NOL4L: variants seen among roughly 807,000 people sequenced by gnomAD.
NOL4L encodes nucleolar protein 4 like.
NOL4L carries 7 observed loss-of-function variants against 64.5 expected under a neutral mutation model. The ratio of observed to expected loss-of-function variants is 0.11; its 90% CI spans 0.06 to 0.20. The LOEUF is 0.20. Among genes scored for constraint, NOL4L ranks in the 10% least tolerant of loss-of-function variants. The probability of loss-of-function intolerance (pLI) is 1.00; values close to 1 mark genes in which losing one functional copy is unlikely to be tolerated. For missense variants in NOL4L, 680 were observed against 967.1 expected (o/e 0.70, Z 3.94); for synonymous variants, 413 against 401.0 (o/e 1.03, Z -0.36).
chr20:32,463,437 C>T lies in NOL4L; in HGVS notation c.842-7042G>A, dbSNP rs746845456. Among the ~76,000 whole-genome samples, 6 of 152,186 alleles carry T rather than the reference C, an allele frequency of 3.9e-5. No individual in the cohort carries two copies. Among genetic ancestry groups the T allele is most frequent in the Non-Finnish European group, 5.9e-5 (4 of 68,026 alleles). ...GCAGCAGAGACATGTCCTGAGGGGC[C>T]TTGGGGAAGCAGCCCGGGATGCACC... On this transcript the variant is annotated intron_variant, in intron 5 of 10. Transcript: ENST00000621426. The surrounding 1 kb of genome is among the most constrained non-coding windows in gnomAD (Gnocchi z 5.8).
Position 32,542,999 on chromosome 20 carries a change from G to A in NOL4L, c.322-15086C>T, listed in dbSNP as rs546278264. ...GCACACAGCCGTTCTCGATAAACAC[G>A]AGCTCTCTTGCTGTGGTGCTCTTGC... On this transcript the variant is annotated intron_variant, in intron 1 of 10. Transcript: ENST00000621426. Among the ~76,000 whole-genome samples the A allele has an allele frequency of 3.5e-4, 54 of 152,280 alleles. 1 individual carries two copies. Among genetic ancestry groups the A allele is most frequent in the Admixed American group, 3.5e-3 (53 of 15,290 alleles).
Position 32,453,807 on chromosome 20 carries a change from A to G in NOL4L, c.1120-46T>C, listed in dbSNP as rs778677950. The G allele has an allele frequency of 2.0e-6, 3 of 1,535,188 alleles. No individual in the cohort carries two copies. Among genetic ancestry groups the G allele is most frequent in the African/African-American group, 2.8e-5 (2 of 72,654 alleles). On this transcript the variant is annotated intron_variant, in intron 6 of 10. Coordinates refer to ENST00000621426, the MANE Select transcript of NOL4L (RefSeq NM_001256798.2). The surrounding 1 kb of genome is among the most constrained non-coding windows in gnomAD (Gnocchi z 5.6). ...AGAGGGTTGGGCCAAGCAGCTGCTC[A>G]AGCCCTTGCTGGGTCTCCTACAGGC...
At position 32,481,012 on chromosome 20, in the gene NOL4L, A is replaced by C. The variant is rs190648181; in HGVS notation, c.700-6270T>G. Among the ~76,000 whole-genome samples, 183 of 152,300 alleles carry C rather than the reference A, an allele frequency of 1.2e-3. 1 individual carries two copies. The highest frequency in any genetic ancestry group is 5.9e-4 in the Non-Finnish European group (40 of 68,010). Reference sequence around the variant, plus strand: ...GAAATATGAGGCAGGAAGGGCTGAGACACAGCCAATCACCTACCACACTGG... The same window carrying C: ...GAAATATGAGGCAGGAAGGGCTGAGCCACAGCCAATCACCTACCACACTGG... On this transcript the variant is annotated intron_variant, in intron 4 of 10. Transcript: ENST00000621426.
intron 1 of NOL4L, among the ~76,000 whole-genome samples, chr20:32,535,079 C>G (rs2018472079): frequency 6.6e-6 from 1 of 151,762 alleles, no homozygotes; most frequent in African/African-American, 2.4e-5. Context: ...ACTAAGAGAA[C>G]AAAAAGAAAA....
At chr20:32,555,056 G>A (rs1028170514) in intron 1 of NOL4L, among the ~76,000 whole-genome samples, 1 of 152,152 alleles carries the variant, frequency 6.6e-6, no homozygotes, top group East Asian at 1.9e-4. Context: ...TGGCCTCCCT[G>A]TACCCTGACC....
chr20:32,498,997 A>AGCTG (rs1231314937), intron 4 of NOL4L, among the ~76,000 whole-genome samples: 5 of 151,900 alleles, frequency 3.3e-5, no homozygotes, highest in Admixed American at 6.6e-5. Context: ...CTCCTGCCTC[A>AGCTG]ACCTCCTGAG....
rs780461086 is a variant in NOL4L, at chr20:32,466,124, C to T, written c.841+8477G>A. On this transcript the variant is annotated intron_variant, in intron 5 of 10. Coordinates refer to ENST00000621426, the MANE Select transcript of NOL4L (RefSeq NM_001256798.2). ...CTGGGATTACAGGTGCCCATCACCACGCCCAGCTAATTTTTGTATTTTTAG... is the reference window on the plus strand; with the variant it reads ...CTGGGATTACAGGTGCCCATCACCATGCCCAGCTAATTTTTGTATTTTTAG... 1.3e-3 allele frequency among the ~76,000 whole-genome samples: 198 copies of T among 152,228 alleles called. 1 individual carries two copies. The highest frequency in any genetic ancestry group is 4.4e-3 in the African/African-American group (184 of 41,544).
Position 32,461,888 on chromosome 20 carries a change from G to A in NOL4L, c.842-5493C>T, listed in dbSNP as rs1373745519. On this transcript the variant is annotated intron_variant, in intron 5 of 10. Transcript: ENST00000621426. ...CCAGCCCTAGAGACCCAGAGTTGGT[G>A]CAGCTGTATTGGGTGGGCCTGGATG... 1.1e-4 allele frequency among the ~76,000 whole-genome samples: 17 copies of A among 151,980 alleles called. No individual in the cohort carries two copies. In the East Asian group the frequency reaches 1.8e-3, roughly 16 times the overall value.
At chr20:32,529,178 G>A (rs544967937) in intron 1 of NOL4L, among the ~76,000 whole-genome samples, 4 of 152,296 alleles carry the variant, frequency 2.6e-5, no homozygotes, top group African/African-American at 9.6e-5. Context: ...GTGGCCCTGT[G>A]ACCCCGAGCA....
At chr20:32,568,361 T>G (rs1302208724) in intron 1 of NOL4L, among the ~76,000 whole-genome samples, 1 of 152,198 alleles carries the variant, frequency 6.6e-6, no homozygotes, top group Non-Finnish European at 1.5e-5. Flanking sequence ...GCAAAGCAGC[T>G]GATGAGGAGG....
chr20:32,574,815 C>T (rs978366553), intron 1 of NOL4L, among the ~76,000 whole-genome samples: 3 of 152,068 alleles, frequency 2.0e-5, no homozygotes, highest in East Asian at 1.9e-4. Flanking sequence ...GGCCTCCCAC[C>T]GCCACAGGCT....
At chr20:32,452,124 C>G in intron 10 of NOL4L, 112 bp downstream of exon 10, 1 of 952,504 alleles carries the variant, frequency 1.0e-6, no homozygotes, top group Non-Finnish European at 1.4e-6. Context: ...GAGGCAGCCC[C>G]TTTCCATCAC....
chr20:32,584,547 G>A, intron 1 of NOL4L, 23 bp downstream of exon 1: 1 of 806,990 alleles, frequency 1.2e-6, no homozygotes, highest in African/African-American at 2.1e-5. Context: ...GGACCCGCCC[G>A]CGGCCGCCGC....
chr20:32,582,711 G>C (rs1425182672), intron 1 of NOL4L, among the ~76,000 whole-genome samples: 1 of 152,154 alleles, frequency 6.6e-6, no homozygotes, highest in African/African-American at 2.4e-5. Context: ...GTGGGGCACC[G>C]ACCCGGGAAG....
Position 32,460,853 on chromosome 20 carries a change from G to A in NOL4L, c.842-4458C>T, listed in dbSNP as rs759477793. On this transcript the variant is annotated intron_variant, in intron 5 of 10. Transcript: ENST00000621426. This position sits in a 1 kb window ranked among gnomAD's most constrained non-coding sequence, Gnocchi z 5.7. ...CAAACCTGAGGGCTCCAGAGGAGAC[G>A]GGGCTCTGAAGGGGTGTCACCAGCT... 3.9e-5 allele frequency among the ~76,000 whole-genome samples: 6 copies of A among 152,140 alleles called. No individual in the cohort carries two copies. Among genetic ancestry groups the A allele is most frequent in the Admixed American group, 1.3e-4 (2 of 15,274 alleles).
At position 32,456,309 on chromosome 20, in the gene NOL4L, A is replaced by G; in HGVS notation, c.928T>C (p.Phe310Leu). ...GCGCCGTTGCCATTCATCTCGGGGA[A>G]GGCAGGGTCGCCCTGCGTGCTGCTC... ...TSSSTQGDPAFPEMNGNGAVA... is the reference protein window; with the variant it reads ...TSSSTQGDPALPEMNGNGAVA... The change falls in exon 6 of 11, where the codon TTC (phenylalanine) becomes CTC (leucine). Residue 310 changes from phenylalanine to leucine, a missense_variant. By Grantham distance (22) the Phe-to-Leu change is conservative. Coordinates refer to ENST00000621426, the MANE Select transcript of NOL4L (RefSeq NM_001256798.2). 1.3e-6 allele frequency: 2 copies of G among 1,576,858 alleles called. No homozygotes were observed. The highest frequency in any genetic ancestry group is 1.7e-6 in the Non-Finnish European group (2 of 1,158,622).
At chr20:32,561,528 G>A (rs1979017712) in intron 1 of NOL4L, among the ~76,000 whole-genome samples, 1 of 152,168 alleles carries the variant, frequency 6.6e-6, no homozygotes, top group South Asian at 2.1e-4. Flanking sequence ...GGGGACAGGT[G>A]TGGTGCCCCC....
At chr20:32,562,307 C>T (rs527268167) in intron 1 of NOL4L, among the ~76,000 whole-genome samples, 5 of 152,298 alleles carry the variant, frequency 3.3e-5, no homozygotes, top group Admixed American at 6.5e-5. Flanking sequence ...TCAACCTCCC[C>T]GATTAGCAGT....
At chr20:32,557,032 T>A (rs1380585821) in intron 1 of NOL4L, among the ~76,000 whole-genome samples, 1 of 152,186 alleles carries the variant, frequency 6.6e-6, no homozygotes, top group East Asian at 1.9e-4. Context: ...GCCAAGGAAC[T>A]CCGTCTCCTT....
Sources: allele counts gnomAD v4.1 joint callset (sites outside exome capture counted in the v4.1 genomes callset), GRCh38; gene constraint gnomAD v4.1.1; non-coding constraint Gnocchi (gnomAD v3.1); transcripts MANE v1.5; gene names NCBI Gene and HGNC (gene_info 2026-07-23, HGNC 2026-07-21).